Variants in HSP90AB1 observed in about 807,000 individuals in gnomAD.
The protein encoded by HSP90AB1 is heat shock protein HSP 90-beta.
Under a neutral mutation model 67.8 loss-of-function variants are expected in HSP90AB1, and 17 were observed. That is an observed-to-expected ratio of 0.25 (90% CI 0.17 to 0.38). The LOEUF is 0.38. Ranked by LOEUF, HSP90AB1 falls within the 10% of genes least tolerant of loss-of-function variation. The probability of loss-of-function intolerance (pLI) is 1.00; values close to 1 mark genes in which losing one functional copy is unlikely to be tolerated. For missense variants in HSP90AB1, 690 were observed against 899.9 expected, an observed-to-expected ratio of 0.77 and a Z score of 2.98; for synonymous variants, 390 against 312.9, an observed-to-expected ratio of 1.25 and a Z score of -2.60.
intron 1 of HSP90AB1, among the ~76,000 whole-genome samples, chr6:44,247,679 C>T (rs1220020917): frequency 1.3e-5 from 2 of 152,168 alleles, no homozygotes; most frequent in Admixed American, 6.5e-5. Context: ...GGAGGGTTGA[C>T]GGTGTGGGAA....
intron 2 of HSP90AB1, 85 bp downstream of exon 2, chr6:44,248,861 G>A (rs576033140): frequency 4.6e-5 from 57 of 1,247,738 alleles, no homozygotes; most frequent in Non-Finnish European, 4.8e-5. Context: ...GGCCTTTGTT[G>A]GGGACTACTA....
chr6:44,250,154 T>C lies in HSP90AB1; in HGVS notation c.648T>C (p.Tyr216=), dbSNP rs369814768. The change falls in exon 5 of 12, where the codon TAT becomes TAC. Residue 216 remains tyrosine (Y), a splice_region_variant and synonymous_variant. Coordinates refer to ENST00000371646, the MANE Select transcript of HSP90AB1 (RefSeq NM_007355.4). ...SQFIGYPITL[Y]LEKEREKEIS... is the part of the protein sequence containing the mutation. ...TCATAGGCTATCCCATCACCCTTTA[T>C]GTGAGTATGGACTTTTAAATCTTTT... The C allele has an allele frequency of 2.5e-6, 4 of 1,614,088 alleles. No homozygotes were observed. In the African/African-American group the frequency reaches 5.3e-5, roughly 22 times the overall value.
chr6:44,251,524 G>A lies in HSP90AB1; in HGVS notation c.1230G>A (p.Lys410=). 2.5e-6 allele frequency: 4 copies of A among 1,612,698 alleles called. No individual in the cohort carries two copies. Among genetic ancestry groups the A allele is most frequent in the Non-Finnish European group, 3.4e-6 (4 of 1,178,934 alleles). The change falls in exon 8 of 12, where the codon AAG becomes AAA. Residue 410 remains lysine (K), a synonymous_variant. Coordinates refer to ENST00000371646, the MANE Select transcript of HSP90AB1 (RefSeq NM_007355.4). Reference sequence around the variant, plus strand: ...AAGTCATTCGCAAAAACATTGTTAAGAAGTGCCTTGAGCTCTTCTCTGAGC... The same window carrying A: ...AAGTCATTCGCAAAAACATTGTTAAAAAGTGCCTTGAGCTCTTCTCTGAGC... The part of the protein sequence containing the change: ...ILKVIRKNIV[K]KCLELFSELA...
chr6:44,248,300 C>T (rs577450066), intron 1 of HSP90AB1, among the ~76,000 whole-genome samples: 3 of 152,192 alleles, frequency 2.0e-5, no homozygotes, highest in South Asian at 2.1e-4. Context: ...TCTCTAGATA[C>T]CTGGGTTGGA....
intron 1 of HSP90AB1, 139 bp from the exon 2 acceptor site, chr6:44,248,491 T>G: frequency 1.6e-6 from 1 of 642,332 alleles, no homozygotes. Context: ...GAATGCATTT[T>G]TAGTCTTGGG....
rs866036829 is a variant in HSP90AB1 at position 44,253,330 on chromosome 6, C to A, written c.2017C>A (p.Pro673Thr). The part of the protein sequence containing the change: ...LLSSGFSLED[P>T]QTHSNRIYRM... ...ATCTTCTGGCTTTTCCCTTGAGGAT[C>A]CCCAGACCCACTCCAACCGCATCTA... is the stretch of plus-strand genomic sequence containing the variant. Residue 673 changes from proline to threonine, a missense_variant, in exon 11 of 12, where the codon CCC (proline) becomes ACC (threonine). Coordinates refer to ENST00000371646, the MANE Select transcript of HSP90AB1 (RefSeq NM_007355.4). 1.2e-6 allele frequency: 2 copies of A among 1,614,210 alleles called. No individual in the cohort carries two copies. Among genetic ancestry groups the A allele is most frequent in the Non-Finnish European group, 1.7e-6 (2 of 1,180,024 alleles).
In HSP90AB1 at chr6:44,250,715, A is replaced by ATAG. The variant is rs1424572855; in HGVS notation, c.957+117_957+119dup. ...TTGTCCAACTGATAACAGAAATGTG[A>ATAG]TAGCCATGTGATTTCACTTACTGAT... On this transcript the variant is annotated intron_variant, in intron 6 of 11. Transcript: ENST00000371646. 1.3e-5 allele frequency: 9 copies of ATAG among 672,594 alleles called. No individual in the cohort carries two copies. The East Asian group carries it at 2.1e-4, about 16-fold the overall frequency. 41.7% of individuals were successfully genotyped at this position (672,594 alleles called of 1,614,324 possible). A position where few individuals can be genotyped will look rare whatever the true frequency, so the allele number is the denominator to read the frequency against.
chr6:44,249,817 CTG>C lies in HSP90AB1; in HGVS notation c.500_501del (p.Val167AlafsTer3). The C allele has an allele frequency of 1.2e-6, 2 of 1,610,174 alleles. No homozygotes were observed. Among genetic ancestry groups the C allele is most frequent in the Non-Finnish European group, 8.5e-7 (1 of 1,177,626 alleles). ...GAGTCTTCTGCTGGAGGTTCCTTCA[CTG>C]TGCGTGCTGACCATGGTAAGTTAGC... On this transcript the variant is annotated frameshift_variant, in exon 4 of 12. Coordinates refer to ENST00000371646, the MANE Select transcript of HSP90AB1 (RefSeq NM_007355.4). LOFTEE classifies it high-confidence loss of function.
At position 44,253,142 on chromosome 6, in the gene HSP90AB1, C is replaced by T; in HGVS notation, c.1829C>T (p.Ala610Val). ...ATGGAGCGGATCATGAAAGCCCAGG[C>T]ACTTCGGGACAACTCCACCATGGGC... ...ANMERIMKAQ[A>V]LRDNSTMGYM... Residue 610 changes from alanine (A) to valine (V), a missense_variant, in exon 11 of 12, where the codon GCA becomes GTA. Physicochemically the swap from Ala to Val is moderately conservative, Grantham distance 64. Coordinates refer to ENST00000371646, the MANE Select transcript of HSP90AB1 (RefSeq NM_007355.4). 1 of 1,614,194 alleles carries T rather than the reference C, an allele frequency of 6.2e-7. No homozygotes were observed. The highest frequency in any genetic ancestry group is 8.5e-7 in the Non-Finnish European group (1 of 1,180,008).
chr6:44,248,707 C>T lies in HSP90AB1; in HGVS notation c.78C>T (p.Ser26=), dbSNP rs534758896. The T allele has an allele frequency of 2.4e-5, 38 of 1,613,790 alleles. No homozygotes were observed. In the East Asian group the frequency reaches 6.9e-4, roughly 29 times the overall value. The change falls in exon 2 of 12, where the codon TCC becomes TCT. Residue 26 remains serine (S), a synonymous_variant. Transcript: ENST00000371646. ...AGGCAGAAATTGCCCAACTCATGTC[C>T]CTCATCATCAATACCTTCTATTCCA... ...AFQAEIAQLM[S]LIINTFYSNK...
At chr6:44,249,882 G>A (rs567555526) in intron 4 of HSP90AB1, 48 bp downstream of exon 4, 2 of 1,593,508 alleles carry the variant, frequency 1.3e-6, no homozygotes, top group South Asian at 2.3e-5. Context: ...GATTTTCTGG[G>A]CTCACACCAG....
chr6:44,253,493 T>C lies in HSP90AB1; in HGVS notation c.2070T>C (p.Ile690=), dbSNP rs1781000226. ...CATGGCTTAATTTTACTTCAGGTAT[T>C]GATGAAGATGAAGTGGCAGCAGAGG... The part of the protein sequence containing the change: ...IYRMIKLGLG[I]DEDEVAAEEP... The change falls in exon 12 of 12, where the codon ATT becomes ATC. Residue 690 remains isoleucine (I), a synonymous_variant. Transcript: ENST00000371646. 6.2e-7 allele frequency: 1 copy of C among 1,613,030 alleles called. No homozygotes were observed. The highest frequency in any genetic ancestry group is 8.5e-7 in the Non-Finnish European group (1 of 1,179,124).
At chr6:44,251,287 A>AGGTAACAGTCTAG in intron 7 of HSP90AB1, 74 bp downstream of exon 7, 1 of 1,573,002 alleles carries the variant, frequency 6.4e-7, no homozygotes, top group Non-Finnish European at 8.7e-7. Flanking sequence ...GGATATTCTA[A>AGGTAACAGTCTAG]GGTAACAGTT....
chr6:44,246,853 C>T (rs1311057214), upstream of HSP90AB1, among the ~76,000 whole-genome samples: 1 of 152,184 alleles, frequency 6.6e-6, no homozygotes, highest in Non-Finnish European at 1.5e-5. Flanking sequence ...CACTCCTCAT[C>T]CCCGCTCTTG....
In HSP90AB1 at chr6:44,253,056, C is replaced by G. The variant is rs768782599; in HGVS notation, c.1743C>G (p.Ser581=). ...LDKKVEKVTI[S]NRLVSSPCCI... is the part of the protein sequence containing the mutation. ...GTGATCGTCCACAGGTGACAATCTC[C>G]AATAGACTTGTGTCTTCACCTTGCT... Residue 581 remains serine, a synonymous_variant, in exon 11 of 12, where the codon TCC becomes TCG. Transcript: ENST00000371646. 7 of 1,613,674 alleles carry G rather than the reference C, an allele frequency of 4.3e-6. No homozygotes were observed. In the East Asian group the frequency reaches 1.6e-4, roughly 36 times the overall value.
At chr6:44,252,504 T>G (rs116266688) in intron 10 of HSP90AB1, among the ~76,000 whole-genome samples, 2 of 151,872 alleles carry the variant, frequency 1.3e-5, no homozygotes, top group Non-Finnish European at 2.9e-5. Flanking sequence ...TCTTTTTTTT[T>G]TCTTTTTTTG....
rs1022828890 is a variant in HSP90AB1 at position 44,253,215 on chromosome 6, T to C, written c.1902T>C (p.Ile634=). The change falls in exon 11 of 12, where the codon ATT becomes ATC. Residue 634 remains isoleucine (I), a synonymous_variant. Transcript: ENST00000371646. ...KHLEINPDHP[I]VETLRQKAEA... Reference sequence around the variant, plus strand: ...TGGAGATCAACCCTGACCACCCCATTGTGGAGACGCTGCGGCAGAAGGCTG... The same window carrying C: ...TGGAGATCAACCCTGACCACCCCATCGTGGAGACGCTGCGGCAGAAGGCTG... 1.2e-6 allele frequency: 2 copies of C among 1,614,160 alleles called. No individual in the cohort carries two copies. The highest frequency in any genetic ancestry group is 1.7e-6 in the Non-Finnish European group (2 of 1,180,026).
In HSP90AB1 at chr6:44,249,684, G is replaced by A; in HGVS notation, c.364G>A (p.Asp122Asn). The A allele has an allele frequency of 1.2e-6, 2 of 1,613,554 alleles. No individual in the cohort carries two copies. Among genetic ancestry groups the A allele is most frequent in the Non-Finnish European group, 1.7e-6 (2 of 1,179,670 alleles). Residue 122 changes from aspartate to asparagine, a missense_variant, in exon 4 of 12, where the codon GAC becomes AAC. Coordinates refer to ENST00000371646, the MANE Select transcript of HSP90AB1 (RefSeq NM_007355.4). ...AFMEALQAGA[D>N]ISMIGQFGVG... Reference sequence around the variant, plus strand: ...TTAAACTTGTTGGCAGGCTGGTGCAGACATCTCCATGATTGGGCAGTTTGG... The same window carrying A: ...TTAAACTTGTTGGCAGGCTGGTGCAAACATCTCCATGATTGGGCAGTTTGG...
rs759093487 is a variant in HSP90AB1, at chr6:44,250,537, G to A, written c.895G>A (p.Glu299Lys). 1.9e-6 allele frequency: 3 copies of A among 1,613,980 alleles called. No individual in the cohort carries two copies. Among genetic ancestry groups the A allele is most frequent in the East Asian group, 2.2e-5 (1 of 44,898 alleles). ...WTRNPDDITQ[E>K]EYGEFYKSLT... ...CAGAAACCCTGATGACATCACCCAA[G>A]AGGAGTATGGAGAATTCTACAAGAG... Residue 299 changes from glutamate to lysine, a missense_variant, in exon 6 of 12, where the codon GAG (glutamate) becomes AAG (lysine). This residue lies in a region of HSP90AB1 where 101 missense variants were observed against 174.8 expected (regional missense o/e 0.58). Coordinates refer to ENST00000371646, the MANE Select transcript of HSP90AB1 (RefSeq NM_007355.4).
Sources: allele counts gnomAD v4.1 joint callset (sites outside exome capture counted in the v4.1 genomes callset), GRCh38; gene constraint gnomAD v4.1.1; regional missense constraint gnomAD v4.1.1; transcripts MANE v1.5; gene names NCBI Gene and HGNC (gene_info 2026-07-23, HGNC 2026-07-21).